ATP6V0D2: variants seen among roughly 807,000 people sequenced by gnomAD.
ATP6V0D2 encodes the protein V-type proton ATPase subunit d 2.
Under a neutral mutation model 40.0 loss-of-function variants are expected in ATP6V0D2, and 40 were observed. The observed-to-expected ratio is 1.00, with a 90% CI of 0.78 to 1.30. The LOEUF (loss-of-function observed/expected upper bound fraction) is 1.30. ATP6V0D2 is among the 50% of genes most tolerant of loss of function. ATP6V0D2 has a pLI of 0.00. For missense variants in ATP6V0D2, 470 were observed against 423.1 expected, an observed-to-expected ratio of 1.11 and a Z score of -0.97; for synonymous variants, 179 against 156.3, an observed-to-expected ratio of 1.15 and a Z score of -1.08.
chr8:86,103,062 A>G (rs1157807250), intron 1 of ATP6V0D2, among the ~76,000 whole-genome samples: 1 of 152,166 alleles, frequency 6.6e-6, no homozygotes, highest in Non-Finnish European at 1.5e-5. Context: ...TTTCTAAAAC[A>G]TATGACAACA....
At chr8:86,113,687 T>C in intron 1 of ATP6V0D2, 22 bp from the exon 2 acceptor site, 1 of 1,577,534 alleles carries the variant, frequency 6.3e-7, no homozygotes, top group Middle Eastern at 1.7e-4. Flanking sequence ...TTAACCTGAA[T>C]TGGGGTTTCA....
At chr8:86,126,793 G>T (rs1441355770) in intron 2 of ATP6V0D2, among the ~76,000 whole-genome samples, 1 of 152,058 alleles carries the variant, frequency 6.6e-6, no homozygotes, top group Non-Finnish European at 1.5e-5. Context: ...TCTGGAGAAG[G>T]GTAGGAACCA....
chr8:86,145,267 A>T (rs1448379725), intron 5 of ATP6V0D2, among the ~76,000 whole-genome samples: 2 of 81,464 alleles, frequency 2.5e-5, no homozygotes, highest in African/African-American at 8.1e-5. Context: ...GAAAGAAAGA[A>T]AGAAAGAAAG....
At chr8:86,141,352 T>C in intron 3 of ATP6V0D2, 98 bp from the exon 4 acceptor site, 1 of 786,180 alleles carries the variant, frequency 1.3e-6, no homozygotes, top group South Asian at 1.7e-5. Flanking sequence ...AGTGTTCTTG[T>C]CAGGAGTGAG....
intron 2 of ATP6V0D2, among the ~76,000 whole-genome samples, chr8:86,138,370 A>G (rs1372840252): frequency 1.3e-5 from 2 of 152,144 alleles, no homozygotes; most frequent in African/African-American, 2.4e-5. Context: ...TGTATGCCCT[A>G]TTGTGATTTG....
chr8:86,129,009 A>G (rs1233361164), intron 2 of ATP6V0D2, among the ~76,000 whole-genome samples: 1 of 152,254 alleles, frequency 6.6e-6, no homozygotes, highest in Admixed American at 6.5e-5. Flanking sequence ...TTTACATTAA[A>G]GATGATGTGG....
chr8:86,103,938 G>C (rs1243056443), intron 1 of ATP6V0D2, among the ~76,000 whole-genome samples: 1 of 152,040 alleles, frequency 6.6e-6, no homozygotes, highest in Non-Finnish European at 1.5e-5. Context: ...TGATTCTTGT[G>C]CCTCTGTCTC....
At chr8:86,150,344 T>C (rs2129645581) in intron 6 of ATP6V0D2, 56 bp downstream of exon 6, 1 of 1,517,324 alleles carries the variant, frequency 6.6e-7, no homozygotes, top group South Asian at 1.2e-5. Context: ...TTCCATGTGC[T>C]TTAGAAGCTC....
intron 5 of ATP6V0D2, among the ~76,000 whole-genome samples, chr8:86,147,213 A>T (rs1275606124): frequency 6.6e-6 from 1 of 152,132 alleles, no homozygotes. Context: ...TGCCACTGAC[A>T]TCTCCGCCCA....
At chr8:86,146,715 T>G (rs1271132432) in intron 5 of ATP6V0D2, among the ~76,000 whole-genome samples, 1 of 152,036 alleles carries the variant, frequency 6.6e-6, no homozygotes, top group Non-Finnish European at 1.5e-5. Context: ...TAAAAATCCA[T>G]TGAACAGTTT....
At chr8:86,100,976 T>C (rs1818388749) in intron 1 of ATP6V0D2, among the ~76,000 whole-genome samples, 1 of 151,248 alleles carries the variant, frequency 6.6e-6, no homozygotes, top group Non-Finnish European at 1.5e-5. Context: ...TAAAACCCCG[T>C]GTCTACTAGA....
intron 6 of ATP6V0D2, 70 bp downstream of exon 6, chr8:86,150,358 C>A: frequency 7.0e-7 from 1 of 1,438,250 alleles, no homozygotes; most frequent in Admixed American, 2.0e-5. Flanking sequence ...GAAGCTCACA[C>A]ATCAAATTTC....
intron 2 of ATP6V0D2, among the ~76,000 whole-genome samples, chr8:86,128,532 C>A (rs1172792771): frequency 6.6e-6 from 1 of 152,168 alleles, no homozygotes. Context: ...AGCAAAGGGG[C>A]TCAGGTCTCT....
intron 4 of ATP6V0D2, 95 bp downstream of exon 4, chr8:86,141,624 T>A: frequency 1.2e-6 from 1 of 832,354 alleles, no homozygotes; most frequent in Non-Finnish European, 1.8e-6. Context: ...TTAACCAACT[T>A]CTGCAATTAT....
intron 4 of ATP6V0D2, 122 bp downstream of exon 4, chr8:86,141,651 G>A: frequency 1.5e-6 from 1 of 652,594 alleles, no homozygotes; most frequent in Non-Finnish European, 2.5e-6. Context: ...GTGCATATTT[G>A]GAATATAGCT....
chr8:86,125,146 G>C (rs1253444971), intron 2 of ATP6V0D2, among the ~76,000 whole-genome samples: 1 of 152,166 alleles, frequency 6.6e-6, no homozygotes, highest in Admixed American at 6.5e-5. Context: ...CAGCGTCTGA[G>C]GTTGAGGATG....
At chr8:86,137,158 G>A (rs928138931) in intron 2 of ATP6V0D2, among the ~76,000 whole-genome samples, 6 of 151,950 alleles carry the variant, frequency 3.9e-5, no homozygotes, top group Non-Finnish European at 8.8e-5. Flanking sequence ...CCAGTCTTCC[G>A]CCATCCTCTT....
chr8:86,107,051 C>A (rs1344866956), intron 1 of ATP6V0D2, among the ~76,000 whole-genome samples: 26 of 151,926 alleles, frequency 1.7e-4, no homozygotes, highest in Non-Finnish European at 2.9e-5. Flanking sequence ...AAAATGACAC[C>A]ATTTACTACC....
chr8:86,118,235 A>AT (rs148228172), intron 2 of ATP6V0D2, among the ~76,000 whole-genome samples: 17,826 of 81,270 alleles, frequency 0.22, 1,469 homozygotes, highest in East Asian at 0.47. Context: ...TAATTTTTGT[A>AT]TTTTTTTTTA....
Sources: allele counts gnomAD v4.1 joint callset (sites outside exome capture counted in the v4.1 genomes callset), GRCh38; gene constraint gnomAD v4.1.1; transcripts MANE v1.5; gene names NCBI Gene and HGNC (gene_info 2026-07-23, HGNC 2026-07-21).